Variants in FHIT observed in about 807,000 individuals in gnomAD.
FHIT encodes the protein fragile histidine triad diadenosine triphosphatase, also known as bis(5'-adenosyl)-triphosphatase.
A neutral mutation model predicts 17.9 loss-of-function variants in FHIT; 19 were observed. The ratio of observed to expected loss-of-function variants is 1.06; its 90% CI spans 0.74 to 1.56. The LOEUF is 1.56. FHIT is among the 40% of genes most tolerant of loss of function. The probability of loss-of-function intolerance (pLI) is 0.00; values close to 1 mark genes in which losing one functional copy is unlikely to be tolerated. For synonymous variants in FHIT, 81 were observed against 69.7 expected, an observed-to-expected ratio of 1.16 and a Z score of -0.81; for missense variants, 248 against 189.2, an observed-to-expected ratio of 1.31 and a Z score of -1.82.
chr3:60,567,567 C>T (rs2037185163), intron 4 of FHIT, among the ~76,000 whole-genome samples: 1 of 152,102 alleles, frequency 6.6e-6, no homozygotes, highest in East Asian at 1.9e-4. Context: ...ATGTCCAAAA[C>T]ACTAAAAGCA....
At chr3:59,980,466 T>C (rs1038435810) in intron 7 of FHIT, among the ~76,000 whole-genome samples, 2 of 152,240 alleles carry the variant, frequency 1.3e-5, no homozygotes, top group East Asian at 3.9e-4. Flanking sequence ...TAATTAGCCC[T>C]CATTCTACAG....
At chr3:59,808,557 G>A (rs960110990) in intron 8 of FHIT, among the ~76,000 whole-genome samples, 4 of 152,018 alleles carry the variant, frequency 2.6e-5, no homozygotes, top group Non-Finnish European at 4.4e-5. Context: ...TCCCACCTCC[G>A]GGTCTGTTGA....
At chr3:60,151,334 G>T (rs1304030220) in intron 5 of FHIT, among the ~76,000 whole-genome samples, 1 of 152,004 alleles carries the variant, frequency 6.6e-6, no homozygotes, top group Non-Finnish European at 1.5e-5. Flanking sequence ...AACATATCAA[G>T]ACTCTGATCA....
At chr3:60,223,496 TTTTA>T (rs1704053976) in intron 5 of FHIT, among the ~76,000 whole-genome samples, 1 of 109,496 alleles carries the variant, frequency 9.1e-6, no homozygotes, top group African/African-American at 3.3e-5. Flanking sequence ...TATTTACTTA[TTTTA>T]TTTACTAATC....
chr3:60,955,336 T>C (rs1709063976), intron 3 of FHIT, among the ~76,000 whole-genome samples: 1 of 152,038 alleles, frequency 6.6e-6, no homozygotes, highest in Non-Finnish European at 1.5e-5. Flanking sequence ...GCTTTCCAAG[T>C]AGTGTGCCTC....
intron 5 of FHIT, among the ~76,000 whole-genome samples, chr3:60,307,859 C>T (rs1245243562): frequency 0.013 from 3 of 224 alleles, no homozygotes; most frequent in African/African-American, 0.038. Flanking sequence ...GAGGACACTG[C>T]TCTGAGACAC....
intron 5 of FHIT, among the ~76,000 whole-genome samples, chr3:60,122,144 G>A (rs1043571667): frequency 4.6e-5 from 7 of 151,934 alleles, no homozygotes; most frequent in East Asian, 3.9e-4. Context: ...TAAAAGAGAC[G>A]TTAGAAAGCA....
At chr3:60,895,674 C>A (rs1313527294) in intron 3 of FHIT, among the ~76,000 whole-genome samples, 1 of 27,508 alleles carries the variant, frequency 3.6e-5, no homozygotes, top group Non-Finnish European at 1.1e-4. Context: ...TCCTTTCTTT[C>A]TTTCTTTCTT....
chr3:60,082,293 C>T (rs1346258436), intron 5 of FHIT, among the ~76,000 whole-genome samples: 1 of 142,270 alleles, frequency 7.0e-6, no homozygotes. Flanking sequence ...GGTGCTGCAA[C>T]AGACATGATT....
intron 5 of FHIT, among the ~76,000 whole-genome samples, chr3:60,171,971 T>C (rs1701436913): frequency 6.6e-6 from 1 of 152,180 alleles, no homozygotes; most frequent in Admixed American, 6.5e-5. Flanking sequence ...TAAACATTTA[T>C]TAAATGCCTT....
rs920819245 is a variant in FHIT at position 59,809,830 on chromosome 3, A to G, written c.349-57509T>C. On this transcript the variant is annotated intron_variant, in intron 8 of 9. Transcript: ENST00000492590. The stretch of plus-strand genomic sequence containing the variant: ...GCTGCCAAGGAGAACCTTCCCTCAC[A>G]TTGTTCCTCCTTTGTTCCCCGCTCT... Among the ~76,000 whole-genome samples the G allele has an allele frequency of 2.6e-5, 4 of 152,192 alleles. No homozygotes were observed. In the East Asian group the frequency reaches 7.7e-4, roughly 29 times the overall value.
chr3:60,522,674 TG>T (rs2035417482), intron 5 of FHIT, among the ~76,000 whole-genome samples: 2 of 152,332 alleles, frequency 1.3e-5, no homozygotes, highest in Admixed American at 1.3e-4. Context: ...GTTTTGAGAA[TG>T]CTGTCAATTA....
At chr3:60,522,834 G>A (rs11711026) in intron 5 of FHIT, among the ~76,000 whole-genome samples, 26,909 of 152,006 alleles carry the variant, frequency 0.18, 2,831 homozygotes, top group East Asian at 0.38. Flanking sequence ...GTGATAGAAA[G>A]TTCAGGGCCA....
At chr3:60,762,101 T>G (rs1211414453) in intron 4 of FHIT, among the ~76,000 whole-genome samples, 1 of 152,166 alleles carries the variant, frequency 6.6e-6, no homozygotes, top group Non-Finnish European at 1.5e-5. Context: ...TGGTGAGCAA[T>G]TTGGTGGGAT....
chr3:60,093,817 G>A (rs1703829921), intron 5 of FHIT, among the ~76,000 whole-genome samples: 1 of 152,212 alleles, frequency 6.6e-6, no homozygotes, highest in Admixed American at 6.5e-5. Context: ...CACCGGGTCT[G>A]TGGGAAAATT....
At chr3:60,027,801 T>C (rs570124784) in intron 5 of FHIT, among the ~76,000 whole-genome samples, 21 of 152,038 alleles carry the variant, frequency 1.4e-4, no homozygotes, top group Middle Eastern at 3.2e-3. Context: ...CGATCCATCA[T>C]AATTTAGCTA....
At chr3:59,992,060 C>T (rs958900146) in intron 7 of FHIT, among the ~76,000 whole-genome samples, 5 of 151,842 alleles carry the variant, frequency 3.3e-5, no homozygotes, top group South Asian at 2.1e-4. Flanking sequence ...TGAAGTAAAA[C>T]GAAACAGAGG....
intron 3 of FHIT, among the ~76,000 whole-genome samples, chr3:60,862,174 T>G (rs1553752826): frequency 6.6e-6 from 1 of 151,850 alleles, no homozygotes; most frequent in Non-Finnish European, 1.5e-5. Flanking sequence ...AGTTTTTTGT[T>G]TTTGTTTTTG....
intron 1 of FHIT, among the ~76,000 whole-genome samples, chr3:61,204,813 TTC>T (rs2039158629): frequency 2.6e-5 from 4 of 152,188 alleles, no homozygotes; most frequent in Admixed American, 2.6e-4. Flanking sequence ...AGTATTTATA[TTC>T]TTTTTTTAAA....
Sources: gnomAD v4.1 joint callset for allele counts (sites outside exome capture counted in the v4.1 genomes callset) on GRCh38, gnomAD v4.1.1 for gene constraint, MANE v1.5 for transcripts, NCBI Gene and HGNC (gene_info 2026-07-23, HGNC 2026-07-21) for gene names.